Variants in NTM observed in about 807,000 individuals in gnomAD.
The protein encoded by NTM is IgLON family member 2.
In NTM, 13 loss-of-function variants were observed where a neutral mutation model predicts 42.1. The observed-to-expected ratio is 0.31, with a 90% CI of 0.20 to 0.49. The LOEUF (loss-of-function observed/expected upper bound fraction) is 0.49, where lower values mean the gene tolerates loss of function less well. Ranked by LOEUF, NTM falls within the 20% of genes least tolerant of loss-of-function variation. The pLI is 0.99. For missense variants in NTM, 373 were observed against 452.8 expected (o/e 0.82, Z 1.60); for synonymous variants, 187 against 179.2 (o/e 1.04, Z -0.35).
chr11:131,974,082 CTTACT>C (rs2063956674), intron 2 of NTM, among the ~76,000 whole-genome samples: 1 of 151,938 alleles, frequency 6.6e-6, no homozygotes, highest in African/African-American at 2.4e-5. Context: ...TTTTCTCTAG[CTTACT>C]TTATTTTAAT....
At chr11:131,659,471 C>T (rs2067663763) in intron 1 of NTM, among the ~76,000 whole-genome samples, 1 of 152,170 alleles carries the variant, frequency 6.6e-6, no homozygotes, top group East Asian at 1.9e-4. Context: ...TTCTATAGGG[C>T]ATGGTGGCCG....
At chr11:132,114,743 T>C (rs1302449945) in intron 2 of NTM, among the ~76,000 whole-genome samples, 1 of 152,114 alleles carries the variant, frequency 6.6e-6, no homozygotes, top group East Asian at 1.9e-4. Flanking sequence ...AAACCTAAAT[T>C]GGGAAAGGTG....
intron 1 of NTM, among the ~76,000 whole-genome samples, chr11:131,555,534 A>G (rs1245085423): frequency 6.6e-6 from 1 of 152,208 alleles, no homozygotes; most frequent in Non-Finnish European, 1.5e-5. Flanking sequence ...ACACATTCCC[A>G]AAGTCTGCAG....
intron 1 of NTM, among the ~76,000 whole-genome samples, chr11:131,868,281 T>C (rs1490200564): frequency 3.9e-5 from 6 of 152,164 alleles, no homozygotes; most frequent in African/African-American, 1.2e-4. Flanking sequence ...CCCACCCTTT[T>C]TTGTCCCAGT....
chr11:132,243,964 T>G (rs2090638248), intron 4 of NTM, among the ~76,000 whole-genome samples: 1 of 152,180 alleles, frequency 6.6e-6, no homozygotes, highest in East Asian at 1.9e-4. Context: ...TTCATTTTTG[T>G]CTCCGCCGTC....
intron 1 of NTM, among the ~76,000 whole-genome samples, chr11:131,656,556 T>G (rs1013401479): frequency 6.6e-6 from 1 of 152,212 alleles, no homozygotes; most frequent in East Asian, 1.9e-4. Context: ...GTTGGAGGCT[T>G]GGCTACCTGT....
At chr11:132,175,308 C>A (rs2076644813) in intron 3 of NTM, among the ~76,000 whole-genome samples, 1 of 152,048 alleles carries the variant, frequency 6.6e-6, no homozygotes, top group South Asian at 2.1e-4. Flanking sequence ...ACCTCATGGT[C>A]CACCCACACC....
At chr11:131,585,580 C>T (rs947746180) in intron 1 of NTM, among the ~76,000 whole-genome samples, 1 of 152,200 alleles carries the variant, frequency 6.6e-6, no homozygotes, top group African/African-American at 2.4e-5. Flanking sequence ...TGGCTACTCT[C>T]GCCGGGGCAC....
At chr11:131,573,113 C>T (rs773591084) in intron 1 of NTM, among the ~76,000 whole-genome samples, 17 of 152,134 alleles carry the variant, frequency 1.1e-4, no homozygotes, top group South Asian at 2.1e-4. Context: ...CAGTAGCAGC[C>T]GAAGCCCAGG....
chr11:132,284,226 A>G (rs1252726536), intron 4 of NTM: 3 of 152,270 alleles, frequency 2.0e-5, no homozygotes, highest in Non-Finnish European at 4.4e-5. Flanking sequence ...GCGCTGAGGT[A>G]ACAAAGTACC....
intron 1 of NTM, among the ~76,000 whole-genome samples, chr11:131,753,746 G>T (rs1291066674): frequency 6.6e-6 from 1 of 151,760 alleles, no homozygotes; most frequent in African/African-American, 2.4e-5. Flanking sequence ...CTGTTGTGGG[G>T]TGGTTGGAGG....
intron 1 of NTM, among the ~76,000 whole-genome samples, chr11:131,543,786 G>A (rs964607299): frequency 2.0e-5 from 3 of 152,218 alleles, no homozygotes; most frequent in African/African-American, 7.2e-5. Flanking sequence ...GTTGGTAAAC[G>A]AGTCCCAGTC....
At chr11:132,065,031 A>C (rs2081234512) in intron 2 of NTM, among the ~76,000 whole-genome samples, 1 of 152,132 alleles carries the variant, frequency 6.6e-6, no homozygotes, top group Non-Finnish European at 1.5e-5. Flanking sequence ...TCACAGGAAG[A>C]GGTTAGGGGA....
At chr11:131,907,678 C>T (rs1318622219) in intron 1 of NTM, among the ~76,000 whole-genome samples, 1 of 151,888 alleles carries the variant, frequency 6.6e-6, no homozygotes, top group Non-Finnish European at 1.5e-5. Context: ...GGTGGGCGCT[C>T]GTTAGGAATC....
chr11:131,450,600 A>G lies in NTM; in HGVS notation c.82+79712A>G, dbSNP rs143389727. ...CTGCCCTTGGTGCCTTCACACTCTT[A>G]TGCATGCTCCTCATCCATTTTTCTG... On this transcript the variant is annotated intron_variant, in intron 1 of 8. Coordinates refer to ENST00000683400, the MANE Select transcript of NTM (RefSeq NM_001352005.2). 1.4e-3 allele frequency among the ~76,000 whole-genome samples: 207 copies of G among 152,278 alleles called. 1 individual carries two copies. Among genetic ancestry groups the G allele is most frequent in the African/African-American group, 4.5e-3 (185 of 41,560 alleles).
At chr11:131,720,890 T>A (rs911773175) in intron 1 of NTM, among the ~76,000 whole-genome samples, 34 of 151,914 alleles carry the variant, frequency 2.2e-4, no homozygotes, top group Non-Finnish European at 1.9e-4. Context: ...CAGGTAGGGG[T>A]TTTCTGAGGG....
At chr11:132,004,651 C>T (rs2070337677) in intron 2 of NTM, among the ~76,000 whole-genome samples, 1 of 151,420 alleles carries the variant, frequency 6.6e-6, no homozygotes. Context: ...CACACACACA[C>T]ACAACACACA....
chr11:132,061,848 A>AT (rs1353635637), intron 2 of NTM, among the ~76,000 whole-genome samples: 1 of 152,076 alleles, frequency 6.6e-6, no homozygotes, highest in Non-Finnish European at 1.5e-5. Context: ...CAGGAGCTCC[A>AT]TTTTTTAAAG....
chr11:131,496,565 G>C (rs1189106419), intron 1 of NTM, among the ~76,000 whole-genome samples: 1 of 152,194 alleles, frequency 6.6e-6, no homozygotes, highest in African/African-American at 2.4e-5. Context: ...CCCCCGAAGG[G>C]TCCACCAGCA....
Sources: allele counts gnomAD v4.1 joint callset (sites outside exome capture counted in the v4.1 genomes callset), GRCh38; gene constraint gnomAD v4.1.1; transcripts MANE v1.5; gene names NCBI Gene and HGNC (gene_info 2026-07-23, HGNC 2026-07-21).